The following CENPK variants were observed in gnomAD, a reference collection of about 807,000 sequenced individuals.
CENPK encodes centromere protein K.
A neutral mutation model predicts 40.9 loss-of-function variants in CENPK; 46 were observed. The observed-to-expected ratio is 1.13, with a 90% confidence interval of 0.89 to 1.44. The LOEUF (loss-of-function observed/expected upper bound fraction) is 1.44. Among genes scored for constraint, CENPK ranks in the 40% most tolerant of loss-of-function variants. The pLI, the probability that CENPK is intolerant of heterozygous loss-of-function variation, is 0.00. For synonymous variants in CENPK, 107 were observed against 104.4 expected (o/e 1.02, Z -0.15); for missense variants, 288 against 303.5 (o/e 0.95, Z 0.38).
At position 65,518,633 on chromosome 5, in the gene CENPK, TCTA is replaced by T; in HGVS notation, c.652-3_652-1del. ...ACATCAAATAATCTATTTATAAGAA[TCTA>T]GGAGAAAATATCATTCAAAATATAC... On this transcript the variant is annotated splice_acceptor_variant and splice_polypyrimidine_tract_variant and intron_variant, in intron 10 of 10. Coordinates refer to ENST00000396679, the MANE Select transcript of CENPK (RefSeq NM_022145.5). LOFTEE classifies it high-confidence loss of function. 6.4e-7 allele frequency: 1 copy of T among 1,552,524 alleles called. No individual in the cohort carries two copies. The highest frequency in any genetic ancestry group is 8.8e-7 in the Non-Finnish European group (1 of 1,137,686).
chr5:65,524,748 G>C (rs142982524), intron 9 of CENPK: 1 of 153,088 alleles, frequency 6.5e-6, no homozygotes, highest in African/African-American at 2.4e-5. Flanking sequence ...TATAAATGGC[G>C]TTTTCTGAAT....
In CENPK at chr5:65,557,509, C is replaced by A. The variant is rs186074499; in HGVS notation, c.-39-2563G>T. Among the ~76,000 whole-genome samples, 135 of 152,260 alleles carry A rather than the reference C, an allele frequency of 8.9e-4. 1 individual carries two copies. The highest frequency in any genetic ancestry group is 3.0e-3 in the African/African-American group (125 of 41,548). Reference sequence around the variant, plus strand: ...CTTGCAACCCAGGCACCATGTTATGCGAAAGCCCAAAGTAGCACAAAAGGA... The same window carrying A: ...CTTGCAACCCAGGCACCATGTTATGAGAAAGCCCAAAGTAGCACAAAAGGA... On this transcript the variant is annotated intron_variant, in intron 2 of 10. Coordinates refer to ENST00000396679, the MANE Select transcript of CENPK (RefSeq NM_022145.5).
In CENPK at chr5:65,518,437, A is replaced by G. The variant is rs149505574; in HGVS notation, c.*38T>C. 6.9e-4 allele frequency: 1,096 copies of G among 1,580,122 alleles called. 5 individuals carry two copies. The African/African-American group carries it at 0.012, about 17-fold the overall frequency. On this transcript the variant is annotated 3_prime_UTR_variant, in exon 11 of 11. Transcript: ENST00000396679. ...CCTGTGGTTCCAATATCCTTGAATG[A>G]TAAGAATTTTTACTGTGTGAAAAAA...
chr5:65,515,481 G>C (rs1742796003), downstream of CENPK, among the ~76,000 whole-genome samples: 1 of 152,058 alleles, frequency 6.6e-6, no homozygotes, highest in African/African-American at 2.4e-5. Context: ...GGGATTACAG[G>C]CATGAACCAC....
At chr5:65,535,313 C>T (rs901175535) in intron 6 of CENPK, among the ~76,000 whole-genome samples, 1 of 152,142 alleles carries the variant, frequency 6.6e-6, no homozygotes, top group African/African-American at 2.4e-5. Flanking sequence ...CTGCAAAAAC[C>T]TTGGACATTA....
intron 6 of CENPK, among the ~76,000 whole-genome samples, chr5:65,540,279 G>A (rs1484278469): frequency 6.6e-6 from 1 of 152,146 alleles, no homozygotes; most frequent in Non-Finnish European, 1.5e-5. Flanking sequence ...TTTCCTCAAA[G>A]ATTCAACTTC....
At chr5:65,541,683 C>G (rs1170649732) in intron 6 of CENPK, among the ~76,000 whole-genome samples, 1 of 152,208 alleles carries the variant, frequency 6.6e-6, no homozygotes, top group Non-Finnish European at 1.5e-5. Context: ...CTCTACAGCT[C>G]TCTTATAACC....
intron 5 of CENPK, among the ~76,000 whole-genome samples, chr5:65,545,324 GCA>G (rs869192025): frequency 0.035 from 2,270 of 64,184 alleles, 42 homozygotes; most frequent in East Asian, 0.053. Flanking sequence ...CTCAAAGCGC[GCA>G]CACACACACA....
At chr5:65,533,956 G>C (rs1287773829) in intron 6 of CENPK, among the ~76,000 whole-genome samples, 1 of 146,484 alleles carries the variant, frequency 6.8e-6, no homozygotes, top group South Asian at 2.2e-4. Context: ...GCTGAGGCAG[G>C]AGAATGGCGT....
At chr5:65,506,346 T>C in the CENPK span, among the ~76,000 whole-genome samples, 1 of 140,318 alleles carries the variant, frequency 7.1e-6, no homozygotes, top group African/African-American at 2.6e-5. Context: ...TGAGAACTTA[T>C]CTCAAAAAAA....
chr5:65,563,128 A>G lies in CENPK; in HGVS notation c.-172T>C, dbSNP rs9791024. The G allele has an allele frequency of 1.3e-5, 9 of 715,134 alleles. No homozygotes were observed. In the East Asian group the frequency reaches 2.6e-4, roughly 21 times the overall value. The allele number at this position is 715,134 out of a possible 1,614,324, so 44.3% of individuals were successfully genotyped here. A position where few individuals can be genotyped will look rare whatever the true frequency, so the allele number is the denominator to read the frequency against. On this transcript the variant is annotated 5_prime_UTR_variant, in exon 1 of 11. Coordinates refer to ENST00000396679, the MANE Select transcript of CENPK (RefSeq NM_022145.5). Reference sequence around the variant, plus strand: ...CAGCGTCACAAACTCCAGGTCGCCTAGGCGCTGCGCAGGAAGCGCTTGCCA... The same window carrying G: ...CAGCGTCACAAACTCCAGGTCGCCTGGGCGCTGCGCAGGAAGCGCTTGCCA...
intron 6 of CENPK, among the ~76,000 whole-genome samples, chr5:65,537,233 T>C (rs1402167951): frequency 3.9e-5 from 6 of 152,234 alleles, no homozygotes; most frequent in Admixed American, 2.0e-4. Context: ...TAGAGTTGCA[T>C]AGATGTGCTC....
intron 2 of CENPK, among the ~76,000 whole-genome samples, chr5:65,557,614 G>T (rs560123484): frequency 1.3e-5 from 2 of 152,204 alleles, no homozygotes; most frequent in Non-Finnish European, 2.9e-5. Context: ...ACATACACAC[G>T]ATCATTTCTG....
the CENPK span, among the ~76,000 whole-genome samples, chr5:65,509,829 G>A: frequency 6.6e-6 from 1 of 152,160 alleles, no homozygotes; most frequent in Non-Finnish European, 1.5e-5. Context: ...GTAACATTTT[G>A]ATAATTTTCA....
rs1580929057 is a variant in CENPK, at chr5:65,528,965, G to A, written c.424C>T (p.Leu142=). 1 of 1,609,038 alleles carries A rather than the reference G, an allele frequency of 6.2e-7. No individual in the cohort carries two copies. The highest frequency in any genetic ancestry group is 1.1e-5 in the South Asian group (1 of 90,320). The change falls in exon 8 of 11, where the codon CTA becomes TTA. Residue 142 remains leucine, a synonymous_variant. Coordinates refer to ENST00000396679, the MANE Select transcript of CENPK (RefSeq NM_022145.5). ...ACCTTATTTTTCAATTCACTGTGTAGTACATTAAGAGATTCCATTATCTGT... is the reference window on the plus strand; with the variant it reads ...ACCTTATTTTTCAATTCACTGTGTAATACATTAAGAGATTCCATTATCTGT... ...QQQIMESLNV[L]HSELKNKVET...
chr5:65,525,221 C>A (rs752601495), intron 9 of CENPK, among the ~76,000 whole-genome samples: 3 of 151,850 alleles, frequency 2.0e-5, no homozygotes, highest in Non-Finnish European at 4.4e-5. Flanking sequence ...GAAAACTTAG[C>A]CAGCATAGCA....
At chr5:65,535,714 T>C (rs1386929420) in intron 6 of CENPK, among the ~76,000 whole-genome samples, 1 of 152,194 alleles carries the variant, frequency 6.6e-6, no homozygotes, top group Non-Finnish European at 1.5e-5. Flanking sequence ...ATTGTAATGT[T>C]CTCTCTCACT....
the CENPK span, among the ~76,000 whole-genome samples, chr5:65,510,957 A>G: frequency 1.3e-4 from 20 of 152,154 alleles, no homozygotes; most frequent in African/African-American, 4.6e-4. Context: ...ACCAGCAGCA[A>G]GAGGGCCCCA....
At chr5:65,562,988 C>G (rs1232094526) in intron 1 of CENPK, 110 bp downstream of exon 1, 1 of 195,312 alleles carries the variant, frequency 5.1e-6, no homozygotes, top group East Asian at 1.3e-4. Context: ...GGACTCAAAG[C>G]CCGGCTGGGA....
Sources: allele counts gnomAD v4.1 joint callset (sites outside exome capture counted in the v4.1 genomes callset), GRCh38; gene constraint gnomAD v4.1.1; transcripts MANE v1.5; gene names NCBI Gene and HGNC (gene_info 2026-07-23, HGNC 2026-07-21).